Variants in KLHL1 observed in about 807,000 individuals in gnomAD.
KLHL1 encodes kelch-like protein 1.
A neutral mutation model predicts 77.7 loss-of-function variants in KLHL1; 47 were observed. The ratio of observed to expected loss-of-function variants is 0.60; its 90% CI spans 0.48 to 0.77. KLHL1 has a LOEUF of 0.77. Among genes scored for constraint, KLHL1 ranks in the 30% least tolerant of loss-of-function variants. The probability of loss-of-function intolerance (pLI) is 0.00; values close to 1 mark genes in which losing one functional copy is unlikely to be tolerated. For missense variants in KLHL1, 925 were observed against 910.8 expected (o/e 1.02, Z -0.20); for synonymous variants, 360 against 325.2 (o/e 1.11, Z -1.15).
intron 1 of KLHL1, among the ~76,000 whole-genome samples, chr13:69,979,104 C>A (rs1159565750): frequency 6.6e-6 from 1 of 150,426 alleles, no homozygotes; most frequent in Non-Finnish European, 1.5e-5. Context: ...TGGACTTTTT[C>A]TGACAAATTT....
intron 1 of KLHL1, among the ~76,000 whole-genome samples, chr13:70,073,394 A>G (rs1887183719): frequency 6.6e-6 from 1 of 151,996 alleles, no homozygotes; most frequent in African/African-American, 2.4e-5. Flanking sequence ...AACATCACAC[A>G]CTAGGGCCTG....
chr13:69,739,147 T>TAA (rs1316709248), intron 8 of KLHL1, among the ~76,000 whole-genome samples: 2 of 152,088 alleles, frequency 1.3e-5, no homozygotes, highest in Admixed American at 6.6e-5. Context: ...ATAGCTAGCT[T>TAA]AACTAAGCTT....
At chr13:70,006,176 C>A (rs1356990294) in intron 1 of KLHL1, among the ~76,000 whole-genome samples, 1 of 152,026 alleles carries the variant, frequency 6.6e-6, no homozygotes, top group Non-Finnish European at 1.5e-5. Flanking sequence ...TATATTGTTG[C>A]AAATGACAAG....
intron 1 of KLHL1, among the ~76,000 whole-genome samples, chr13:70,063,463 T>G (rs770245629): frequency 5.9e-5 from 9 of 152,134 alleles, no homozygotes; most frequent in Non-Finnish European, 1.2e-4. Context: ...TGTATAGTAG[T>G]GTTTACATTG....
intron 1 of KLHL1, among the ~76,000 whole-genome samples, chr13:70,052,202 G>A (rs991819629): frequency 2.0e-5 from 3 of 151,732 alleles, no homozygotes; most frequent in Non-Finnish European, 2.9e-5. Context: ...AATTAATGAA[G>A]CCACAATGGT....
chr13:70,036,835 C>CTTTTTTTTTTTT (rs5804467), intron 1 of KLHL1, among the ~76,000 whole-genome samples: 1 of 50,696 alleles, frequency 2.0e-5, no homozygotes, highest in Non-Finnish European at 3.6e-5. Context: ...ATGCCATGGT[C>CTTTTTTTTTTTT]TTTTTTTTTT....
intron 2 of KLHL1, among the ~76,000 whole-genome samples, chr13:69,970,436 T>A (rs907326864): frequency 6.6e-6 from 1 of 152,120 alleles, no homozygotes; most frequent in Non-Finnish European, 1.5e-5. Flanking sequence ...GTAAAATCCA[T>A]CTTTCTCTTT....
intron 1 of KLHL1, among the ~76,000 whole-genome samples, chr13:70,074,678 C>G (rs1342501267): frequency 2.6e-5 from 4 of 151,700 alleles, no homozygotes; most frequent in African/African-American, 9.7e-5. Flanking sequence ...TTTCCAACAC[C>G]CAACTTTTGT....
rs114159678 is a variant in KLHL1, at chr13:69,930,223, T to G, written c.1014+9817A>C. On this transcript the variant is annotated intron_variant, in intron 4 of 10. Transcript: ENST00000377844. ...AATTAAGGTAATAATCCTCAGAGCA[T>G]TTTATGATGTAAAAAATGTGAAAGA... Among the ~76,000 whole-genome samples the G allele has an allele frequency of 8.6e-3, 1,304 of 151,942 alleles. 24 individuals are homozygous for G. Among genetic ancestry groups the G allele is most frequent in the African/African-American group, 0.03 (1,246 of 41,550 alleles).
intron 6 of KLHL1, among the ~76,000 whole-genome samples, chr13:69,801,086 A>G (rs1217927824): frequency 6.6e-6 from 1 of 152,202 alleles, no homozygotes; most frequent in African/African-American, 2.4e-5. Context: ...ATGGACCACA[A>G]TGTAATCCAT....
At chr13:69,842,240 C>A (rs1013583276) in intron 5 of KLHL1, among the ~76,000 whole-genome samples, 2 of 151,424 alleles carry the variant, frequency 1.3e-5, no homozygotes, top group African/African-American at 4.8e-5. Context: ...GGAAAAAAAT[C>A]AACAAAGTGA....
At chr13:70,008,941 C>G (rs1239339070) in intron 1 of KLHL1, among the ~76,000 whole-genome samples, 1 of 152,104 alleles carries the variant, frequency 6.6e-6, no homozygotes, top group Non-Finnish European at 1.5e-5. Context: ...GCACTTCTCT[C>G]TCCTTCTGGA....
chr13:69,845,423 T>C (rs1879420332), intron 5 of KLHL1, among the ~76,000 whole-genome samples: 1 of 151,700 alleles, frequency 6.6e-6, no homozygotes, highest in Admixed American at 6.6e-5. Context: ...CATTCTGCTG[T>C]ACATTTTAGT....
At chr13:69,727,845 A>C (rs1483879502) in intron 8 of KLHL1, among the ~76,000 whole-genome samples, 1 of 150,540 alleles carries the variant, frequency 6.6e-6, no homozygotes, top group African/African-American at 2.4e-5. Flanking sequence ...AAAACACATC[A>C]CTGCTCTTTT....
intron 7 of KLHL1, among the ~76,000 whole-genome samples, chr13:69,777,124 G>T (rs928622436): frequency 6.6e-6 from 1 of 151,954 alleles, no homozygotes; most frequent in Non-Finnish European, 1.5e-5. Flanking sequence ...ATTATAAAGG[G>T]CAGTTTCCCT....
chr13:69,804,536 G>C (rs562929011), intron 6 of KLHL1, among the ~76,000 whole-genome samples: 1 of 152,216 alleles, frequency 6.6e-6, no homozygotes, highest in South Asian at 2.1e-4. Flanking sequence ...ATCTTTACCT[G>C]TTCTCACAAT....
At chr13:69,794,762 T>G (rs990546207) in intron 7 of KLHL1, among the ~76,000 whole-genome samples, 6 of 151,934 alleles carry the variant, frequency 3.9e-5, no homozygotes, top group Non-Finnish European at 8.8e-5. Context: ...AAAAACAAAT[T>G]TAATTGACAT....
At chr13:69,764,834 C>T (rs1875195145) in intron 7 of KLHL1, among the ~76,000 whole-genome samples, 1 of 151,264 alleles carries the variant, frequency 6.6e-6, no homozygotes, top group Non-Finnish European at 1.5e-5. Flanking sequence ...AAAACCTATA[C>T]CCTAGAGGGT....
At chr13:69,954,562 A>G (rs1166232502) in intron 3 of KLHL1, among the ~76,000 whole-genome samples, 4 of 151,306 alleles carry the variant, frequency 2.6e-5, no homozygotes, top group Non-Finnish European at 5.9e-5. Flanking sequence ...TTCAAAACCC[A>G]GAAAATAACT....
Sources: gnomAD v4.1 joint callset for allele counts (sites outside exome capture counted in the v4.1 genomes callset) on GRCh38, gnomAD v4.1.1 for gene constraint, MANE v1.5 for transcripts, NCBI Gene and HGNC (gene_info 2026-07-23, HGNC 2026-07-21) for gene names.